PEX5L: variants seen among roughly 807,000 people sequenced by gnomAD.
PEX5L encodes PEX5-related protein.
A neutral mutation model predicts 84.0 loss-of-function variants in PEX5L; 30 were observed. That is an observed-to-expected ratio of 0.36 (90% CI 0.27 to 0.48). PEX5L has a LOEUF of 0.48. PEX5L is among the 20% of genes least tolerant of loss of function. The pLI is 0.99. For synonymous variants in PEX5L, 270 were observed against 283.1 expected, an observed-to-expected ratio of 0.95 and a Z score of 0.46; for missense variants, 533 against 754.6, an observed-to-expected ratio of 0.71 and a Z score of 3.44.
chr3:179,850,425 C>A (rs750981615), intron 8 of PEX5L, among the ~76,000 whole-genome samples: 2 of 152,152 alleles, frequency 1.3e-5, no homozygotes, highest in African/African-American at 4.8e-5. Context: ...CCGTGCCAGG[C>A]CTTATCTTGC....
chr3:179,865,642 G>A (rs780643491), intron 7 of PEX5L, among the ~76,000 whole-genome samples: 13 of 151,874 alleles, frequency 8.6e-5, no homozygotes, highest in East Asian at 1.9e-4. Flanking sequence ...ACAACTACAC[G>A]TTACACTTAT....
chr3:179,855,458 T>G (rs1376013970), intron 8 of PEX5L, among the ~76,000 whole-genome samples: 1 of 152,170 alleles, frequency 6.6e-6, no homozygotes, highest in Admixed American at 6.5e-5. Flanking sequence ...CTTACAACTT[T>G]CCCCTTGATT....
intron 1 of PEX5L, chr3:179,973,769 C>A (rs1785353761): frequency 1.0e-6 from 1 of 985,244 alleles, no homozygotes; most frequent in African/African-American, 1.7e-5. Flanking sequence ...TGGGAAGAGG[C>A]TAGTTCAGGG....
At chr3:179,916,680 T>C (rs1008292616) in intron 2 of PEX5L, among the ~76,000 whole-genome samples, 9 of 152,096 alleles carry the variant, frequency 5.9e-5, no homozygotes. Flanking sequence ...CACCCCCCCT[T>C]TGTTTTTGAG....
chr3:179,824,706 CAAAAAAAAAAA>C (rs11296415), intron 8 of PEX5L, among the ~76,000 whole-genome samples: 1 of 70,512 alleles, frequency 1.4e-5, no homozygotes, highest in Non-Finnish European at 2.6e-5. Flanking sequence ...AACTCCATCT[CAAAAAAAAAAA>C]AAAAAAAAAA....
At chr3:179,997,362 C>T (rs1184816948) in intron 1 of PEX5L, among the ~76,000 whole-genome samples, 2 of 152,072 alleles carry the variant, frequency 1.3e-5, no homozygotes, top group Non-Finnish European at 2.9e-5. Context: ...CAGTGGGTTC[C>T]CTGACTCATC....
intron 2 of PEX5L, among the ~76,000 whole-genome samples, chr3:179,944,002 C>T (rs1440451092): frequency 6.7e-6 from 1 of 149,464 alleles, no homozygotes; most frequent in Non-Finnish European, 1.5e-5. Flanking sequence ...ATATGCCCTC[C>T]CCCCCCCAAA....
chr3:180,001,793 C>T (rs1269250821), intron 1 of PEX5L, among the ~76,000 whole-genome samples: 1 of 152,024 alleles, frequency 6.6e-6, no homozygotes, highest in Non-Finnish European at 1.5e-5. Flanking sequence ...TGCTTACCTA[C>T]CCTTCCTGCT....
chr3:179,898,250 T>A lies in PEX5L; in HGVS notation c.94-4A>T. 1 of 1,596,246 alleles carries A rather than the reference T, an allele frequency of 6.3e-7. No individual in the cohort carries two copies. Among genetic ancestry groups the A allele is most frequent in the South Asian group, 1.1e-5 (1 of 90,662 alleles). On this transcript the variant is annotated splice_polypyrimidine_tract_variant and splice_region_variant and intron_variant, in intron 2 of 14. Transcript: ENST00000467460. ...CTGCCGCCCTAGAGCCTTTTCCCTATAACAGTGAAATCAACAATGACTGTG... is the reference window on the plus strand; with the variant it reads ...CTGCCGCCCTAGAGCCTTTTCCCTAAAACAGTGAAATCAACAATGACTGTG...
At chr3:180,007,393 G>C (rs9848494) in intron 1 of PEX5L, among the ~76,000 whole-genome samples, 4,783 of 152,324 alleles carry the variant, frequency 0.031, 279 homozygotes, top group African/African-American at 0.11. Context: ...TCACAGGCTG[G>C]CATTGCATGT....
At chr3:180,015,692 A>G (rs1214770089) in intron 1 of PEX5L, among the ~76,000 whole-genome samples, 1 of 151,898 alleles carries the variant, frequency 6.6e-6, no homozygotes, top group Admixed American at 6.6e-5. Context: ...AGAGTTAGAG[A>G]GGGCCTCAGA....
chr3:179,880,071 G>T lies in PEX5L; in HGVS notation c.363C>A (p.Thr121=), dbSNP rs1753710495. 6.2e-7 allele frequency: 1 copy of T among 1,613,592 alleles called. No individual in the cohort carries two copies. Among genetic ancestry groups the T allele is most frequent in the African/African-American group, 1.3e-5 (1 of 74,852 alleles). The part of the protein sequence containing the change: ...LLDLSEPVSQ[T]QTKAKKSEPS... ...GCTCTGACTTCTTGGCTTTGGTTTG[G>T]GTTTGAGAGACTGGTTCACTCAGGT... is the stretch of plus-strand genomic sequence containing the variant. The change falls in exon 5 of 15, where the codon ACC becomes ACA. Residue 121 remains threonine, a synonymous_variant. Transcript: ENST00000467460.
rs370493515 is a variant in PEX5L, at chr3:179,980,801, G to A, written c.22-9136C>T. ...TCACACCTGTAATCCCAGCACTTTG[G>A]GAGGCTGAGGTCAGGAGTTCAAGAC... On this transcript the variant is annotated intron_variant, in intron 1 of 14. Transcript: ENST00000467460. Among the ~76,000 whole-genome samples the A allele has an allele frequency of 1.5e-4, 23 of 152,088 alleles. No individual in the cohort carries two copies. The East Asian group carries it at 1.6e-3, about 10-fold the overall frequency.
intron 2 of PEX5L, among the ~76,000 whole-genome samples, chr3:179,923,196 C>T (rs1335753679): frequency 2.8e-5 from 4 of 144,806 alleles, no homozygotes; most frequent in Non-Finnish European, 4.5e-5. Context: ...GAGGCTGAGG[C>T]GGGAGAATGG....
chr3:179,955,434 CTT>C (rs55932679), intron 2 of PEX5L, among the ~76,000 whole-genome samples: 104,568 of 139,832 alleles, frequency 0.75, 38,095 homozygotes, highest in East Asian at 0.89. Context: ...TGTTATGTGA[CTT>C]TTTTTTTTTT....
intron 1 of PEX5L, among the ~76,000 whole-genome samples, chr3:180,001,794 C>A (rs1052478525): frequency 1.3e-5 from 2 of 151,964 alleles, no homozygotes; most frequent in Admixed American, 6.6e-5. Flanking sequence ...GCTTACCTAC[C>A]CTTCCTGCTT....
rs1362105917 is a variant in PEX5L at position 179,905,438 on chromosome 3, A to T, written c.94-7192T>A. ...CAGGCGCCCGCCACCACGCCCGGCT[A>T]ATTTTTTTGTGTTTTTAGTAGAGAC... On this transcript the variant is annotated intron_variant, in intron 2 of 14. Coordinates refer to ENST00000467460, the MANE Select transcript of PEX5L (RefSeq NM_016559.3). Among the ~76,000 whole-genome samples the T allele has an allele frequency of 2.0e-5, 3 of 152,114 alleles. No individual in the cohort carries two copies. The East Asian group carries it at 5.8e-4, about 29-fold the overall frequency.
intron 2 of PEX5L, among the ~76,000 whole-genome samples, chr3:179,968,927 T>TAAC (rs1166456998): frequency 6.6e-6 from 1 of 152,044 alleles, no homozygotes; most frequent in African/African-American, 2.4e-5. Context: ...CATGTTGAAA[T>TAAC]AACACAGAAA....
At chr3:179,937,450 G>T (rs1774913432) in intron 2 of PEX5L, among the ~76,000 whole-genome samples, 1 of 152,092 alleles carries the variant, frequency 6.6e-6, no homozygotes, top group Non-Finnish European at 1.5e-5. Context: ...AATAGCCTCT[G>T]AGAAGCACTG....
Sources: gnomAD v4.1 joint callset for allele counts (sites outside exome capture counted in the v4.1 genomes callset) on GRCh38, gnomAD v4.1.1 for gene constraint, MANE v1.5 for transcripts, NCBI Gene and HGNC (gene_info 2026-07-23, HGNC 2026-07-21) for gene names.